Variants in PUF60 observed in about 807,000 individuals in gnomAD.
PUF60 encodes the protein poly(U)-binding-splicing factor PUF60.
PUF60 carries 10 observed loss-of-function variants against 61.8 expected under a neutral mutation model. The ratio of observed to expected loss-of-function variants is 0.16; its 90% CI spans 0.10 to 0.27. The LOEUF (loss-of-function observed/expected upper bound fraction) is 0.27, where lower values mean the gene tolerates loss of function less well. Among genes scored for constraint, PUF60 ranks in the 10% least tolerant of loss-of-function variants. The pLI is 1.00. For synonymous variants in PUF60, 353 were observed against 300.9 expected (o/e 1.17, Z -1.79); for missense variants, 371 against 754.0 (o/e 0.49, Z 5.95).
Position 143,818,634 on chromosome 8 carries a change from G to GGGGAGGGCTCCCCACATGACA in PUF60, c.349-121_349-101dup, listed in dbSNP as rs1816656058. ...TGGCCCACCCACCCAGCCCTGCTGT[G>GGGGAGGGCTCCCCACATGACA]GGGAGGGCTCCCCACATGACAGGGA... On this transcript the variant is annotated intron_variant, in intron 5 of 11. Coordinates refer to ENST00000526683, the MANE Select transcript of PUF60 (RefSeq NM_078480.3). This position sits in a 1 kb window ranked among gnomAD's most constrained non-coding sequence, Gnocchi z 7.9. 1.5e-5 allele frequency: 19 copies of GGGGAGGGCTCCCCACATGACA among 1,305,200 alleles called. No homozygotes were observed. The highest frequency in any genetic ancestry group is 2.9e-5 in the South Asian group (2 of 68,850). The allele number at this position is 1,305,200 out of a possible 1,614,324, so 80.9% of individuals were successfully genotyped here.
intron 2 of PUF60, 69 bp downstream of exon 2, chr8:143,824,244 G>T: frequency 4.8e-6 from 7 of 1,471,240 alleles, no homozygotes; most frequent in Non-Finnish European, 5.5e-6. Context: ...GCCCAGGGAC[G>T]CACAGGCAGG....
At chr8:143,824,000 A>G (rs2130373154) in intron 2 of PUF60, among the ~76,000 whole-genome samples, 1 of 152,380 alleles carries the variant, frequency 6.6e-6, no homozygotes, top group East Asian at 1.9e-4. Flanking sequence ...CTCATGCCTA[A>G]GAACGCGCGA....
Position 143,818,817 on chromosome 8 carries a change from GGC to G in PUF60, c.349-285_349-284del. 1 of 492,154 alleles carries G rather than the reference GGC, an allele frequency of 2.0e-6. No homozygotes were observed. Among genetic ancestry groups the G allele is most frequent in the South Asian group, 3.2e-5 (1 of 30,932 alleles). The allele number at this position is 492,154 out of a possible 1,614,324, so 30.5% of individuals were successfully genotyped here. On this transcript the variant is annotated intron_variant, in intron 5 of 11. Transcript: ENST00000526683. The surrounding 1 kb of genome is among the most constrained non-coding windows in gnomAD (Gnocchi z 7.9). Reference sequence around the variant, plus strand: ...AAGCCGACAGATGGTCAGGAGGCAGGGCTGTGCGCCCTCCCACCCAGACCACC... The same window carrying G: ...AAGCCGACAGATGGTCAGGAGGCAGGTGTGCGCCCTCCCACCCAGACCACC...
chr8:143,823,380 G>A (rs987508702), intron 2 of PUF60: 5 of 152,560 alleles, frequency 3.3e-5, no homozygotes, highest in African/African-American at 1.2e-4. Context: ...GGGCCCAAGA[G>A]CCAGAGGCTG....
In PUF60 at chr8:143,818,321, C is replaced by T. The variant is rs575568833; in HGVS notation, c.511-36G>A. ...GGACACACCTGTCAGGCTGCGCGAG[C>T]CCAGGGGTGGGGGCGAGCCCGAAGT... On this transcript the variant is annotated intron_variant, in intron 6 of 11. Coordinates refer to ENST00000526683, the MANE Select transcript of PUF60 (RefSeq NM_078480.3). This position sits in a 1 kb window ranked among gnomAD's most constrained non-coding sequence, Gnocchi z 7.9. 2.2e-5 allele frequency: 36 copies of T among 1,607,880 alleles called. 1 individual carries two copies. The South Asian group carries it at 3.9e-4, about 17-fold the overall frequency.
In PUF60 at chr8:143,818,953, AC is replaced by A. The variant is rs1816701306; in HGVS notation, c.349-420del. The A allele has an allele frequency of 5.1e-6, 1 of 197,722 alleles. No individual in the cohort carries two copies. Among genetic ancestry groups the A allele is most frequent in the African/African-American group, 2.3e-5 (1 of 43,008 alleles). The allele number at this position is 197,722 out of a possible 1,614,324, so 12.2% of individuals were successfully genotyped here. On this transcript the variant is annotated intron_variant, in intron 5 of 11. Coordinates refer to ENST00000526683, the MANE Select transcript of PUF60 (RefSeq NM_078480.3). This position sits in a 1 kb window ranked among gnomAD's most constrained non-coding sequence, Gnocchi z 7.9. ...AGGAGGAACCATCCAAGCTGGAGGG[AC>A]CCACTGGTTTGGTGGCCAGAAGAGA... is the stretch of plus-strand genomic sequence containing the variant.
chr8:143,820,065 C>T (rs777131286), intron 5 of PUF60, among the ~76,000 whole-genome samples: 1 of 152,218 alleles, frequency 6.6e-6, no homozygotes, highest in African/African-American at 2.4e-5. Context: ...GGGAGGGACA[C>T]CTCCTTCCCA....
At chr8:143,827,135 A>T (rs1817723500) in intron 1 of PUF60, 3 of 318,110 alleles carry the variant, frequency 9.4e-6, no homozygotes, top group African/African-American at 4.5e-5. Context: ...AAAGAATGCC[A>T]AAATCAAAGA....
chr8:143,827,161 A>C (rs967158730), intron 1 of PUF60: 17 of 325,620 alleles, frequency 5.2e-5, no homozygotes, highest in Admixed American at 4.2e-4. Flanking sequence ...TCTGTGGTTT[A>C]CCAGCACTAC....
intron 4 of PUF60, 72 bp downstream of exon 4, chr8:143,821,525 G>A (rs1817019076): frequency 7.6e-7 from 1 of 1,316,662 alleles, no homozygotes. Flanking sequence ...GGCCCAGGAG[G>A]AGGAAGAGCG....
chr8:143,827,969 A>G (rs747981482), intron 1 of PUF60, among the ~76,000 whole-genome samples: 2 of 152,020 alleles, frequency 1.3e-5, no homozygotes, highest in Non-Finnish European at 2.9e-5. Context: ...CTCCTCCTTC[A>G]CCATCAACTC....
At chr8:143,821,533 G>A in intron 4 of PUF60, 64 bp downstream of exon 4, 2 of 1,352,082 alleles carry the variant, frequency 1.5e-6, no homozygotes, top group Non-Finnish European at 1.0e-6. Flanking sequence ...AGGAGGAAGA[G>A]CGTGAAGAGG....
intron 1 of PUF60, among the ~76,000 whole-genome samples, chr8:143,825,691 A>G (rs769930354): frequency 4.6e-5 from 7 of 152,176 alleles, no homozygotes; most frequent in Non-Finnish European, 1.0e-4. Context: ...CGTGTTGCCC[A>G]AGCTGGTCTC....
At chr8:143,826,101 G>A (rs776423222) in intron 1 of PUF60, among the ~76,000 whole-genome samples, 1 of 152,200 alleles carries the variant, frequency 6.6e-6, no homozygotes, top group African/African-American at 2.4e-5. Flanking sequence ...AGCTAGTCAC[G>A]TACTGCCATC....
In PUF60 at chr8:143,821,686, C is replaced by A; in HGVS notation, c.208G>T (p.Ala70Ser). The A allele has an allele frequency of 6.5e-7, 1 of 1,549,052 alleles. No homozygotes were observed. Among genetic ancestry groups the A allele is most frequent in the Non-Finnish European group, 8.7e-7 (1 of 1,147,594 alleles). ...TPEQQEALQK[A>S]KKYAMEQSIK... is the part of the protein sequence containing the mutation. ...CTCTGCTCCATGGCGTACTTCTTGG[C>A]CTGAGAGAGGCGGCAGTGAGGAGCA... The change falls in exon 4 of 12, where the codon GCC (alanine) becomes TCC (serine). Residue 70 changes from alanine (A) to serine (S), a missense_variant and splice_region_variant. Ala to Ser is a moderately conservative substitution (Grantham distance 99, BLOSUM62 1). This residue lies in a region of PUF60 where 35 missense variants were observed against 173.1 expected (regional missense o/e 0.20). Transcript: ENST00000526683.
chr8:143,818,107 G>A lies in PUF60; in HGVS notation c.604-32C>T, dbSNP rs780963403. The A allele has an allele frequency of 2.5e-6, 4 of 1,606,688 alleles. No individual in the cohort carries two copies. The highest frequency in any genetic ancestry group is 3.4e-5 in the Admixed American group (2 of 59,322). On this transcript the variant is annotated intron_variant, in intron 7 of 11. Transcript: ENST00000526683. This position sits in a 1 kb window ranked among gnomAD's most constrained non-coding sequence, Gnocchi z 7.9. ...AAGAGGCGGTGAGATGGAAAGACCGGTCAACCCAGGCCCGGCCACAAAAGG... is the reference window on the plus strand; with the variant it reads ...AAGAGGCGGTGAGATGGAAAGACCGATCAACCCAGGCCCGGCCACAAAAGG...
intron 2 of PUF60, 42 bp from the exon 3 acceptor site, chr8:143,821,955 T>C (rs1817071308): frequency 6.7e-7 from 1 of 1,497,170 alleles, no homozygotes; most frequent in Non-Finnish European, 9.0e-7. Context: ...CAAGCTCAAG[T>C]TCTCCTTCAC....
In PUF60 at chr8:143,816,427, G is replaced by T; in HGVS notation, c.*93C>A. 1 of 1,400,710 alleles carries T rather than the reference G, an allele frequency of 7.1e-7. No homozygotes were observed. Among genetic ancestry groups the T allele is most frequent in the Non-Finnish European group, 9.6e-7 (1 of 1,042,882 alleles). 86.8% of individuals were successfully genotyped at this position (1,400,710 alleles called of 1,614,324 possible). A position where few individuals can be genotyped will look rare whatever the true frequency, so the allele number is the denominator to read the frequency against. On this transcript the variant is annotated 3_prime_UTR_variant, in exon 12 of 12. Transcript: ENST00000526683. ...TTATCCGCACTGTAGGCTGGGCTGG[G>T]CAGAGCGCGCCTGGCCCCGGGGACA...
At chr8:143,826,571 C>T (rs889914771) in intron 1 of PUF60, among the ~76,000 whole-genome samples, 6 of 152,110 alleles carry the variant, frequency 3.9e-5, no homozygotes, top group South Asian at 2.1e-4. Flanking sequence ...AAAAATTAGC[C>T]GGGCATGGTG....
Sources: allele counts gnomAD v4.1 joint callset (sites outside exome capture counted in the v4.1 genomes callset), GRCh38; gene constraint gnomAD v4.1.1; regional missense constraint gnomAD v4.1.1; non-coding constraint Gnocchi (gnomAD v3.1); transcripts MANE v1.5; gene names NCBI Gene and HGNC (gene_info 2026-07-23, HGNC 2026-07-21).